The following SAMMSON variants were observed in gnomAD, a reference collection of about 807,000 sequenced individuals.
SAMMSON encodes long intergenic non-protein coding RNA 1212.
intron 4 of SAMMSON, chr3:70,140,334 C>T: frequency 9.0e-6 from 2 of 221,410 alleles, no homozygotes; most frequent in Non-Finnish European, 9.7e-6. Flanking sequence ...ATGCAAGCAG[C>T]TGGAGAAATG....
At chr3:70,359,641 G>A (rs1190883080) in intron 9 of SAMMSON, among the ~76,000 whole-genome samples, 2 of 152,046 alleles carry the variant, frequency 1.3e-5, no homozygotes, top group African/African-American at 4.8e-5. Context: ...CTGTAGCTAA[G>A]CCGTCACACT....
intron 4 of SAMMSON, among the ~76,000 whole-genome samples, chr3:70,223,536 G>A (rs771505138): frequency 2.0e-5 from 3 of 152,036 alleles, no homozygotes; most frequent in Non-Finnish European, 4.4e-5. Flanking sequence ...GCCTCAATTT[G>A]GAAAGGCTGA....
intron 8 of SAMMSON, chr3:70,358,132 T>C (rs1482156391): frequency 1.3e-5 from 2 of 152,182 alleles, no homozygotes; most frequent in African/African-American, 2.4e-5. Flanking sequence ...TATTGACTTA[T>C]AATACATAAA....
At chr3:70,357,068 A>G (rs1182529407) in intron 8 of SAMMSON, among the ~76,000 whole-genome samples, 1 of 152,274 alleles carries the variant, frequency 6.6e-6, no homozygotes, top group South Asian at 2.1e-4. Context: ...GTTTTAACCA[A>G]CTGGTGGGAT....
chr3:70,051,134 CAAAAAAAAAAAA>C (rs71126477), intron 3 of SAMMSON, among the ~76,000 whole-genome samples: 2 of 45,236 alleles, frequency 4.4e-5, no homozygotes, highest in South Asian at 2.3e-3. Context: ...TACTCCATCT[CAAAAAAAAAAAA>C]AAAAAAAAAA....
downstream of SAMMSON, among the ~76,000 whole-genome samples, chr3:70,393,457 C>T (rs1017197687): frequency 6.6e-6 from 1 of 152,162 alleles, no homozygotes; most frequent in East Asian, 1.9e-4. Flanking sequence ...ATTCATTCAA[C>T]GAGTGGTTTG....
At chr3:70,108,487 T>C (rs975356367) in intron 4 of SAMMSON, among the ~76,000 whole-genome samples, 1 of 147,830 alleles carries the variant, frequency 6.8e-6, no homozygotes, top group African/African-American at 2.5e-5. Flanking sequence ...TTTTCCCTAA[T>C]TGCTACTTCT....
chr3:70,177,593 C>G (rs1314585516), intron 4 of SAMMSON, among the ~76,000 whole-genome samples: 1 of 152,162 alleles, frequency 6.6e-6, no homozygotes, highest in Non-Finnish European at 1.5e-5. Context: ...TTGGTGGTCA[C>G]AACCTGGTAT....
chr3:70,027,735 TC>T (rs2067046691), intron 3 of SAMMSON, among the ~76,000 whole-genome samples: 1 of 152,184 alleles, frequency 6.6e-6, no homozygotes, highest in Admixed American at 6.5e-5. Flanking sequence ...AAGCCATACA[TC>T]ATCAGAGTAA....
rs1202030023 is a variant in SAMMSON at position 70,399,594 on chromosome 3, G to C, written n.233+41270G>C. Among the ~76,000 whole-genome samples, 3 of 152,146 alleles carry C rather than the reference G, an allele frequency of 2.0e-5. No individual in the cohort carries two copies. In the East Asian group the frequency reaches 5.8e-4, roughly 29 times the overall value. ...AAAAACACTTTCATGGGCCAGACATGGTGGCTCATGCCTGTAAGCCCAGCA... is the reference window on the plus strand; with the variant it reads ...AAAAACACTTTCATGGGCCAGACATCGTGGCTCATGCCTGTAAGCCCAGCA... On this transcript the variant is annotated intron_variant and non_coding_transcript_variant, in intron 2 of 3. Coordinates refer to the SAMMSON transcript ENST00000641053.
chr3:70,359,736 A>T (rs926838293), intron 9 of SAMMSON, among the ~76,000 whole-genome samples: 5 of 152,072 alleles, frequency 3.3e-5, no homozygotes, highest in Admixed American at 6.6e-5. Context: ...TGATACAGAG[A>T]TAGTGCTTTT....
intron 7 of SAMMSON, among the ~76,000 whole-genome samples, chr3:70,331,059 AAGATTG>A (rs1702617936): frequency 6.6e-6 from 1 of 152,206 alleles, no homozygotes; most frequent in African/African-American, 2.4e-5. Flanking sequence ...TAAGCCTGAG[AAGATTG>A]AGATCCCCAA....
At chr3:70,021,923 T>A (rs2067014953) in intron 3 of SAMMSON, among the ~76,000 whole-genome samples, 1 of 152,056 alleles carries the variant, frequency 6.6e-6, no homozygotes, top group Non-Finnish European at 1.5e-5. Context: ...ACCTATGAAA[T>A]CTTCATCAAC....
intron 4 of SAMMSON, among the ~76,000 whole-genome samples, chr3:70,201,195 C>T (rs567444180): frequency 6.6e-6 from 1 of 152,196 alleles, no homozygotes; most frequent in Non-Finnish European, 1.5e-5. Flanking sequence ...TCTCCCTCCT[C>T]TCACCCTCCA....
rs550424103 is a variant in SAMMSON, at chr3:70,338,327, T to C, written n.740-15848T>C. Among the ~76,000 whole-genome samples, 3 of 152,198 alleles carry C rather than the reference T, an allele frequency of 2.0e-5. No individual in the cohort carries two copies. The South Asian group carries it at 6.2e-4, about 32-fold the overall frequency. ...AAAAGCAAACAGGAGGATAATGAAA[T>C]ATAGAATCAGAAGACCCAGATTCAA... On this transcript the variant is annotated intron_variant and non_coding_transcript_variant, in intron 7 of 9. Transcript: ENST00000642114.
intron 3 of SAMMSON, among the ~76,000 whole-genome samples, chr3:70,049,976 A>G (rs1189067251): frequency 1.3e-5 from 2 of 152,102 alleles, no homozygotes; most frequent in African/African-American, 4.8e-5. Context: ...GTCACCTTCC[A>G]GGGAGACTTG....
chr3:70,174,710 A>G (rs558058388), intron 4 of SAMMSON, among the ~76,000 whole-genome samples: 1 of 152,098 alleles, frequency 6.6e-6, no homozygotes, highest in East Asian at 1.9e-4. Context: ...GAAAAGGTTG[A>G]CTTTCTATCC....
intron 4 of SAMMSON, among the ~76,000 whole-genome samples, chr3:70,233,331 G>C (rs772380732): frequency 2.0e-5 from 3 of 152,174 alleles, no homozygotes; most frequent in Non-Finnish European, 2.9e-5. Context: ...GATGACAGGA[G>C]CAAGATTTCA....
chr3:70,170,814 G>C (rs958481884), intron 4 of SAMMSON, among the ~76,000 whole-genome samples: 7 of 151,832 alleles, frequency 4.6e-5, no homozygotes, highest in Non-Finnish European at 7.4e-5. Flanking sequence ...AGCGAGTGCA[G>C]AGATGTTTTG....
Sources: allele counts gnomAD v4.1 joint callset (sites outside exome capture counted in the v4.1 genomes callset), GRCh38; gene constraint gnomAD v4.1.1; transcripts MANE v1.5; gene names NCBI Gene and HGNC (gene_info 2026-07-23, HGNC 2026-07-21).